The following ASIC2 variants were observed in gnomAD, a reference collection of about 807,000 sequenced individuals.
ASIC2 encodes acid-sensing ion channel 2.
Under a neutral mutation model 57.3 loss-of-function variants are expected in ASIC2, and 25 were observed. The ratio of observed to expected loss-of-function variants is 0.44; its 90% CI spans 0.32 to 0.61. The LOEUF (loss-of-function observed/expected upper bound fraction) is 0.61. Among genes scored for constraint, ASIC2 ranks in the 20% least tolerant of loss-of-function variants. ASIC2 has a pLI of 0.06. For missense variants in ASIC2, 641 were observed against 738.1 expected, an observed-to-expected ratio of 0.87 and a Z score of 1.52; for synonymous variants, 319 against 307.5, an observed-to-expected ratio of 1.04 and a Z score of -0.39.
intron 1 of ASIC2, among the ~76,000 whole-genome samples, chr17:33,398,657 CTCACCCTTGAACCTCAGAGTCTAT>C (rs1910169957): frequency 6.6e-6 from 1 of 151,990 alleles, no homozygotes; most frequent in Non-Finnish European, 1.5e-5. Context: ...AATGAACTCC[CTCACCCTTGAACCTCAGAGTCTAT>C]GGAGTTTTTT....
chr17:33,271,744 A>T (rs1261405736), intron 1 of ASIC2, among the ~76,000 whole-genome samples: 4 of 152,212 alleles, frequency 2.6e-5, no homozygotes, highest in Non-Finnish European at 5.9e-5. Context: ...CTAACTTGTC[A>T]TCCAGCCTCC....
intron 1 of ASIC2, among the ~76,000 whole-genome samples, chr17:33,719,000 G>A (rs1330827268): frequency 6.6e-6 from 1 of 152,174 alleles, no homozygotes; most frequent in African/African-American, 2.4e-5. Flanking sequence ...CTTGCTCAGG[G>A]TCACCCAGGA....
intron 1 of ASIC2, among the ~76,000 whole-genome samples, chr17:33,752,976 C>T (rs1910480270): frequency 1.3e-5 from 2 of 152,208 alleles, no homozygotes; most frequent in Admixed American, 1.3e-4. Flanking sequence ...TAAAAACATA[C>T]ATCCACACAA....
rs923665280 is a variant in ASIC2, at chr17:33,222,627, C to T, written c.708+68781G>A. On this transcript the variant is annotated intron_variant, in intron 1 of 9. Transcript: ENST00000225823. ...GCAGAGCAATTGAGAGGATATTTGT[C>T]TCTTGCCTCTGCTCCAACAAGAGCT... Among the ~76,000 whole-genome samples the T allele has an allele frequency of 2.0e-5, 3 of 152,340 alleles. No homozygotes were observed. The South Asian group carries it at 6.2e-4, about 32-fold the overall frequency.
intron 1 of ASIC2, among the ~76,000 whole-genome samples, chr17:33,518,049 T>G (rs538250859): frequency 6.0e-4 from 92 of 152,242 alleles, no homozygotes; most frequent in African/African-American, 2.1e-3. Context: ...CATCATCCTC[T>G]TGAACACAAA....
At chr17:33,333,490 A>G (rs948651672) in intron 1 of ASIC2, among the ~76,000 whole-genome samples, 9 of 152,232 alleles carry the variant, frequency 5.9e-5, no homozygotes, top group Non-Finnish European at 1.2e-4. Context: ...TTGTTTGTGC[A>G]GAATTATAAG....
intron 1 of ASIC2, among the ~76,000 whole-genome samples, chr17:33,896,683 CAG>C (rs1402002957): frequency 2.6e-5 from 4 of 152,234 alleles, no homozygotes; most frequent in Non-Finnish European, 5.9e-5. Flanking sequence ...CTCACCATGA[CAG>C]AGTCTTGGCC....
chr17:33,783,806 C>T (rs184444942), intron 1 of ASIC2, among the ~76,000 whole-genome samples: 113 of 152,314 alleles, frequency 7.4e-4, no homozygotes, highest in African/African-American at 2.6e-3. Flanking sequence ...ATCATGTGCC[C>T]ACTTTAGACC....
intron 1 of ASIC2, among the ~76,000 whole-genome samples, chr17:33,777,430 C>G (rs1911318933): frequency 1.3e-5 from 2 of 152,138 alleles, no homozygotes; most frequent in South Asian, 4.1e-4. Flanking sequence ...GTTGCAGGGA[C>G]TTCTTTTGGG....
chr17:33,635,317 A>G (rs1906321362), intron 1 of ASIC2, among the ~76,000 whole-genome samples: 1 of 152,234 alleles, frequency 6.6e-6, no homozygotes, highest in Admixed American at 6.5e-5. Context: ...ATATTGTTTC[A>G]TTTAACACTA....
chr17:34,084,727 G>C (rs1208751617), intron 1 of ASIC2, among the ~76,000 whole-genome samples: 7 of 152,142 alleles, frequency 4.6e-5, no homozygotes, highest in Admixed American at 3.3e-4. Flanking sequence ...TTGAGCAGTG[G>C]TTTGTAGTTC....
intron 1 of ASIC2, among the ~76,000 whole-genome samples, chr17:33,772,171 T>C (rs1474735054): frequency 1.3e-5 from 2 of 152,170 alleles, no homozygotes; most frequent in African/African-American, 2.4e-5. Flanking sequence ...AAATAGACCA[T>C]AAATAAATGA....
intron 1 of ASIC2, among the ~76,000 whole-genome samples, chr17:33,817,098 G>A (rs769805385): frequency 3.6e-4 from 55 of 152,310 alleles, no homozygotes; most frequent in Admixed American, 1.9e-3. Flanking sequence ...GAGCACCGAA[G>A]CCTGGCCCCC....
chr17:33,569,847 C>CT (rs1916372956), intron 1 of ASIC2, among the ~76,000 whole-genome samples: 1 of 152,206 alleles, frequency 6.6e-6, no homozygotes. Context: ...TCATGTGTCG[C>CT]ATGTTAGAAG....
At chr17:33,656,590 C>G (rs921704158) in intron 1 of ASIC2, among the ~76,000 whole-genome samples, 4 of 152,190 alleles carry the variant, frequency 2.6e-5, no homozygotes, top group Admixed American at 6.5e-5. Context: ...ATATGCTGCT[C>G]TCTCCATCAG....
chr17:33,726,768 A>G (rs922412987), intron 1 of ASIC2, among the ~76,000 whole-genome samples: 1 of 152,228 alleles, frequency 6.6e-6, no homozygotes, highest in African/African-American at 2.4e-5. Context: ...AAAAGATTAA[A>G]TGAGAGAAAT....
intron 1 of ASIC2, among the ~76,000 whole-genome samples, chr17:33,698,283 G>A (rs1282621737): frequency 1.3e-5 from 2 of 152,074 alleles, no homozygotes; most frequent in Admixed American, 6.6e-5. Context: ...CTTCATATGG[G>A]GTTTACGCAT....
At chr17:33,597,321 T>C (rs976559151) in intron 1 of ASIC2, among the ~76,000 whole-genome samples, 4 of 152,136 alleles carry the variant, frequency 2.6e-5, no homozygotes, top group Admixed American at 2.0e-4. Context: ...GCGGAGAGTT[T>C]TTTTCACCTA....
At chr17:33,813,813 C>G (rs1912498844) in intron 1 of ASIC2, among the ~76,000 whole-genome samples, 1 of 151,868 alleles carries the variant, frequency 6.6e-6, no homozygotes, top group Non-Finnish European at 1.5e-5. Flanking sequence ...ATTTGGCATG[C>G]TTTACATTTT....
Sources: gnomAD v4.1 joint callset for allele counts (sites outside exome capture counted in the v4.1 genomes callset) on GRCh38, gnomAD v4.1.1 for gene constraint, MANE v1.5 for transcripts, NCBI Gene and HGNC (gene_info 2026-07-23, HGNC 2026-07-21) for gene names.